The following FAM53B variants were observed in gnomAD, a reference collection of about 807,000 sequenced individuals.
The protein encoded by FAM53B is family with sequence similarity 53 member B.
A neutral mutation model predicts 32.7 loss-of-function variants in FAM53B; 12 were observed. That is an observed-to-expected ratio of 0.37 (90% CI 0.24 to 0.59). The LOEUF is 0.59. Among genes scored for constraint, FAM53B ranks in the 20% least tolerant of loss-of-function variants. The probability of loss-of-function intolerance (pLI) is 0.72; values close to 1 mark genes in which losing one functional copy is unlikely to be tolerated. For synonymous variants in FAM53B, 234 were observed against 228.7 expected (o/e 1.02, Z -0.21); for missense variants, 477 against 577.7 (o/e 0.83, Z 1.79).
At chr10:124,666,918 C>T (rs1483072473) in intron 4 of FAM53B, among the ~76,000 whole-genome samples, 2 of 152,226 alleles carry the variant, frequency 1.3e-5, no homozygotes, top group Non-Finnish European at 2.9e-5. Context: ...GCCCAGAGCA[C>T]CTAGCACCTC....
intron 4 of FAM53B, among the ~76,000 whole-genome samples, chr10:124,665,477 C>T (rs1949664019): frequency 6.6e-6 from 1 of 152,224 alleles, no homozygotes; most frequent in Non-Finnish European, 1.5e-5. Context: ...GCAAAGGAGC[C>T]AGTGCTAGGC....
chr10:124,650,511 A>G (rs568405993), intron 4 of FAM53B, among the ~76,000 whole-genome samples: 131 of 152,314 alleles, frequency 8.6e-4, no homozygotes, highest in Non-Finnish European at 1.6e-3. Context: ...TAGGCGCTCT[A>G]CACCCTTTGG....
At chr10:124,716,736 G>C (rs2134093444) in intron 1 of FAM53B, among the ~76,000 whole-genome samples, 1 of 152,274 alleles carries the variant, frequency 6.6e-6, no homozygotes, top group East Asian at 1.9e-4. Flanking sequence ...CTATAGACTG[G>C]AAGCTGCTTG....
Position 124,735,294 on chromosome 10 carries a change from C to T in FAM53B, c.-175+8719G>A, listed in dbSNP as rs545560763. On this transcript the variant is annotated intron_variant, in intron 1 of 4. Transcript: ENST00000337318. ...AGTGTCGGTGGCAGCAGAGCCAAGACGGTGAGGCCACATCATGACCCATAC... is the reference window on the plus strand; with the variant it reads ...AGTGTCGGTGGCAGCAGAGCCAAGATGGTGAGGCCACATCATGACCCATAC... Among the ~76,000 whole-genome samples the T allele has an allele frequency of 7.9e-5, 12 of 152,218 alleles. 1 individual carries two copies. In the South Asian group the frequency reaches 2.1e-3, roughly 26 times the overall value.
chr10:124,688,517 A>T (rs774862054), intron 3 of FAM53B, among the ~76,000 whole-genome samples: 19 of 152,216 alleles, frequency 1.2e-4, no homozygotes, highest in African/African-American at 1.4e-4. Flanking sequence ...CAGTTCTCTC[A>T]CAGTCTTGGA....
chr10:124,636,798 C>T (rs866719289), intron 4 of FAM53B, among the ~76,000 whole-genome samples: 47 of 151,976 alleles, frequency 3.1e-4, no homozygotes, highest in African/African-American at 1.0e-3. Flanking sequence ...ACACAGAACA[C>T]GGACACCTGG....
intron 4 of FAM53B, among the ~76,000 whole-genome samples, chr10:124,627,809 G>A (rs1397063404): frequency 1.4e-5 from 1 of 72,798 alleles, no homozygotes. Context: ...GCCTGCCCCA[G>A]CCGGCCTCCC....
chr10:124,635,327 G>A lies in FAM53B; in HGVS notation c.907-11723C>T, dbSNP rs58292776. ...AGGCTGGTCTCGAACTCCTGACCTT[G>A]TGATCTGCCTCGGCCTCCCAAAGTG... is the stretch of plus-strand genomic sequence containing the variant. On this transcript the variant is annotated intron_variant, in intron 4 of 4. Transcript: ENST00000337318. Among the ~76,000 whole-genome samples, 876 of 152,236 alleles carry A rather than the reference G, an allele frequency of 5.8e-3. 14 individuals are homozygous for A. The highest frequency in any genetic ancestry group is 0.02 in the African/African-American group (822 of 41,554).
intron 1 of FAM53B, among the ~76,000 whole-genome samples, chr10:124,724,526 G>C (rs1278111601): frequency 6.6e-6 from 1 of 152,212 alleles, no homozygotes; most frequent in African/African-American, 2.4e-5. Flanking sequence ...TGCCTGAATA[G>C]CAGGCAAACA....
chr10:124,647,137 G>A (rs1173981573), intron 4 of FAM53B, among the ~76,000 whole-genome samples: 1 of 152,226 alleles, frequency 6.6e-6, no homozygotes, highest in Non-Finnish European at 1.5e-5. Context: ...CGCATGTGCT[G>A]ATGGTCAGGC....
Position 124,622,149 on chromosome 10 carries a change from G to A in FAM53B, c.*1093C>T, listed in dbSNP as rs1949314665. 6.6e-6 allele frequency: 1 copy of A among 152,210 alleles called. No individual in the cohort carries two copies. Among genetic ancestry groups the A allele is most frequent in the African/African-American group, 2.4e-5 (1 of 41,428 alleles). The allele number at this position is 152,210 out of a possible 1,614,324, so 9.4% of individuals were successfully genotyped here. A position where few individuals can be genotyped will look rare whatever the true frequency, so the allele number is the denominator to read the frequency against. Reference sequence around the variant, plus strand: ...CTGGGCTCCCCCTAAGCTGACAAGGGCGTGGGCTTGTCTTGAGGTGGGTGA... The same window carrying A: ...CTGGGCTCCCCCTAAGCTGACAAGGACGTGGGCTTGTCTTGAGGTGGGTGA... On this transcript the variant is annotated 3_prime_UTR_variant, in exon 5 of 5. Coordinates refer to ENST00000337318, the MANE Select transcript of FAM53B (RefSeq NM_014661.4).
intron 1 of FAM53B, among the ~76,000 whole-genome samples, chr10:124,714,872 A>G (rs1950030152): frequency 6.6e-6 from 1 of 152,228 alleles, no homozygotes; most frequent in Non-Finnish European, 1.5e-5. Context: ...TATTAGCCAA[A>G]GCAACAGTGC....
At chr10:124,697,248 G>T (rs1949879546) in intron 2 of FAM53B, among the ~76,000 whole-genome samples, 1 of 152,154 alleles carries the variant, frequency 6.6e-6, no homozygotes, top group South Asian at 2.1e-4. Flanking sequence ...GATGAAAGGA[G>T]CTCTTAGCCC....
chr10:124,727,339 G>GGT (rs1950111915), intron 1 of FAM53B, among the ~76,000 whole-genome samples: 1 of 125,358 alleles, frequency 8.0e-6, no homozygotes, highest in African/African-American at 2.9e-5. Flanking sequence ...GTGGGGGGGG[G>GGT]GGGGGTGCGG....
Position 124,626,240 on chromosome 10 carries a change from G to A in FAM53B, c.907-2636C>T, listed in dbSNP as rs139187433. ...CGCAATCGGACAGACGCCGCACAGC[G>A]CTTGTCTGTGCTCACCCTCTCGGTC... On this transcript the variant is annotated intron_variant, in intron 4 of 4. Coordinates refer to ENST00000337318, the MANE Select transcript of FAM53B (RefSeq NM_014661.4). 6.5e-3 allele frequency among the ~76,000 whole-genome samples: 988 copies of A among 152,372 alleles called. 4 individuals are homozygous for A. Among genetic ancestry groups the A allele is most frequent in the Middle Eastern group, 0.014 (4 of 294 alleles).
intron 1 of FAM53B, among the ~76,000 whole-genome samples, chr10:124,722,035 G>C (rs1360018839): frequency 6.6e-6 from 1 of 152,164 alleles, no homozygotes; most frequent in Non-Finnish European, 1.5e-5. Flanking sequence ...GGCTGGGAAG[G>C]GTAGGGGGAA....
intron 4 of FAM53B, among the ~76,000 whole-genome samples, chr10:124,633,863 G>C (rs1949408779): frequency 6.6e-6 from 1 of 151,776 alleles, no homozygotes; most frequent in South Asian, 2.1e-4. Flanking sequence ...CATCTCGTGA[G>C]AAAAAAAGGC....
intron 2 of FAM53B, among the ~76,000 whole-genome samples, chr10:124,700,694 T>C (rs933777825): frequency 5.3e-5 from 8 of 152,266 alleles, no homozygotes; most frequent in African/African-American, 1.9e-4. Context: ...AAGACACAAT[T>C]AAGGCTCCAA....
At chr10:124,681,507 G>GT (rs1949771391) in intron 4 of FAM53B, 100 bp downstream of exon 4, 1 of 1,039,240 alleles carries the variant, frequency 9.6e-7, no homozygotes, top group African/African-American at 1.6e-5. Context: ...CCACTCCTGG[G>GT]TATTTCTGAA....
Sources: gnomAD v4.1 joint callset for allele counts (sites outside exome capture counted in the v4.1 genomes callset) on GRCh38, gnomAD v4.1.1 for gene constraint, MANE v1.5 for transcripts, NCBI Gene and HGNC (gene_info 2026-07-23, HGNC 2026-07-21) for gene names.